Variants in CANX observed in about 807,000 individuals in gnomAD.
CANX encodes the protein epididymis secretory sperm binding protein.
CANX carries 14 observed loss-of-function variants against 75.7 expected under a neutral mutation model. The ratio of observed to expected loss-of-function variants is 0.19; its 90% CI spans 0.12 to 0.29. The LOEUF (loss-of-function observed/expected upper bound fraction) is 0.29, where lower values mean the gene tolerates loss of function less well. CANX is among the 10% of genes least tolerant of loss of function. CANX has a pLI of 1.00. For synonymous variants in CANX, 227 were observed against 236.9 expected (o/e 0.96, Z 0.38); for missense variants, 567 against 713.2 (o/e 0.79, Z 2.34).
In CANX at chr5:179,710,064, A is replaced by G; in HGVS notation, c.720A>G (p.Leu240=). 2 of 1,534,906 alleles carry G rather than the reference A, an allele frequency of 1.3e-6. No homozygotes were observed. Among genetic ancestry groups the G allele is most frequent in the Non-Finnish European group, 1.8e-6 (2 of 1,117,246 alleles). The change falls in exon 7 of 15, where the codon CTA becomes CTG. Residue 240 remains leucine, a splice_region_variant and synonymous_variant. Coordinates refer to ENST00000247461, the MANE Select transcript of CANX (RefSeq NM_001746.4). ...ATAAGAAAACACATCTTTACACACT[A>G]AGTAAGAAAAAGCATTAGTTTGGGG... The part of the protein sequence containing the change: ...FTDKKTHLYT[L]ILNPDNSFEI...
chr5:179,715,868 G>T (rs1317119622), intron 7 of CANX: 14 of 529,026 alleles, frequency 2.6e-5, no homozygotes, highest in East Asian at 8.3e-5. Context: ...TGGTGTTAAA[G>T]ATTTTAACTA....
At chr5:179,724,590 C>T in intron 12 of CANX, 67 bp from the exon 13 acceptor site, 6 of 1,343,592 alleles carry the variant, frequency 4.5e-6, no homozygotes, top group Non-Finnish European at 6.4e-6. Flanking sequence ...TGCCTGTAGG[C>T]ATTCAGGAAT....
At chr5:179,718,853 C>T (rs1267005004) in intron 8 of CANX, among the ~76,000 whole-genome samples, 3 of 151,188 alleles carry the variant, frequency 2.0e-5, no homozygotes, top group Admixed American at 1.3e-4. Flanking sequence ...TTGGTAGAGA[C>T]AGGGTGTCGT....
chr5:179,712,580 G>C (rs1306862422), intron 7 of CANX, among the ~76,000 whole-genome samples: 1 of 146,974 alleles, frequency 6.8e-6, no homozygotes, highest in Admixed American at 6.7e-5. Context: ...CACCACGCCT[G>C]GCTAATTTTT....
chr5:179,716,884 A>G (rs187455323), intron 8 of CANX, among the ~76,000 whole-genome samples: 1 of 152,356 alleles, frequency 6.6e-6, no homozygotes, highest in African/African-American at 2.4e-5. Context: ...GAGACTTGGC[A>G]GTGAGGTGAG....
At chr5:179,692,478 G>A (rs1776315332) in intron 1 of CANX, among the ~76,000 whole-genome samples, 1 of 151,934 alleles carries the variant, frequency 6.6e-6, no homozygotes, top group Non-Finnish European at 1.5e-5. Context: ...GAGGCCAATG[G>A]AGGATGATCA....
At chr5:179,680,488 G>T (rs144201515) in intron 1 of CANX, among the ~76,000 whole-genome samples, 3 of 152,118 alleles carry the variant, frequency 2.0e-5, no homozygotes, top group African/African-American at 7.2e-5. Flanking sequence ...AGACAGATGC[G>T]TGTATAGACC....
intron 6 of CANX, 39 bp downstream of exon 6, chr5:179,709,098 A>T (rs773034474): frequency 8.5e-7 from 1 of 1,176,336 alleles, no homozygotes; most frequent in Non-Finnish European, 1.3e-6. Context: ...CTGGACACCC[A>T]CTATTACCTT....
chr5:179,700,625 A>G (rs1448095736), intron 1 of CANX: 1 of 153,182 alleles, frequency 6.5e-6, no homozygotes, highest in Non-Finnish European at 1.5e-5. Context: ...AATGGCTGTC[A>G]GCATTCCCCG....
intron 5 of CANX, among the ~76,000 whole-genome samples, 185 bp from the exon 6 acceptor site, chr5:179,708,793 T>TA (rs1194703377): frequency 2.5e-4 from 38 of 152,242 alleles, no homozygotes; most frequent in Non-Finnish European, 1.8e-4. Flanking sequence ...ATGTTCAATT[T>TA]AATTTTATTT....
chr5:179,709,404 A>G (rs988649555), intron 6 of CANX, among the ~76,000 whole-genome samples: 64 of 150,324 alleles, frequency 4.3e-4, no homozygotes, highest in Middle Eastern at 3.4e-3. Flanking sequence ...ACAGAGCGAG[A>G]CTCCATCTCA....
At chr5:179,697,928 G>A (rs1776457355), upstream of CANX, among the ~76,000 whole-genome samples, 1 of 152,060 alleles carries the variant, frequency 6.6e-6, no homozygotes, top group African/African-American at 2.4e-5. Flanking sequence ...TTGAGGGTTG[G>A]ATGATACTAA....
chr5:179,681,964 A>AG (rs1562429072), intron 1 of CANX, among the ~76,000 whole-genome samples: 4 of 146,460 alleles, frequency 2.7e-5, no homozygotes, highest in East Asian at 2.0e-4. Flanking sequence ...AAAAAAAAAA[A>AG]GAGGGCCAGG....
intron 8 of CANX, 97 bp from the exon 9 acceptor site, chr5:179,719,571 A>T: frequency 1.8e-6 from 1 of 569,896 alleles, no homozygotes. Flanking sequence ...TTTTGAGATT[A>T]AAAACAAATT....
At chr5:179,720,754 A>G (rs1425693187) in intron 10 of CANX, among the ~76,000 whole-genome samples, 194 bp downstream of exon 10, 1 of 152,116 alleles carries the variant, frequency 6.6e-6, no homozygotes, top group African/African-American at 2.4e-5. Flanking sequence ...ACTGGAGTGA[A>G]TAACTTTCTT....
chr5:179,724,192 A>T (rs2113269934), intron 12 of CANX, among the ~76,000 whole-genome samples: 1 of 150,990 alleles, frequency 6.6e-6, no homozygotes, highest in East Asian at 1.9e-4. Context: ...TCAAAACAGT[A>T]TGTTGGGGTA....
intron 7 of CANX, among the ~76,000 whole-genome samples, chr5:179,715,132 A>T (rs1777846958): frequency 6.6e-6 from 1 of 152,242 alleles, no homozygotes; most frequent in African/African-American, 2.4e-5. Flanking sequence ...CTGACACAGC[A>T]GCATAGGATT....
upstream of CANX, among the ~76,000 whole-genome samples, chr5:179,696,802 CTT>C (rs752785242): frequency 7.2e-5 from 11 of 152,340 alleles, no homozygotes; most frequent in South Asian, 1.2e-3. Flanking sequence ...CTGTAAACCT[CTT>C]GTTACTGCAC....
intron 1 of CANX, among the ~76,000 whole-genome samples, chr5:179,703,841 GTCT>G (rs796514025): frequency 1.4e-4 from 21 of 152,212 alleles, no homozygotes; most frequent in South Asian, 8.3e-4. Flanking sequence ...TGGGTGATGA[GTCT>G]TCTTGTAGGA....
Sources: gnomAD v4.1 joint callset for allele counts (sites outside exome capture counted in the v4.1 genomes callset) on GRCh38, gnomAD v4.1.1 for gene constraint, MANE v1.5 for transcripts, NCBI Gene and HGNC (gene_info 2026-07-23, HGNC 2026-07-21) for gene names.